The following PIGK variants were observed in gnomAD, a reference collection of about 807,000 sequenced individuals.
PIGK encodes phosphatidylinositol glycan anchor biosynthesis class K.
Under a neutral mutation model 50.6 loss-of-function variants are expected in PIGK, and 42 were observed. The observed-to-expected ratio is 0.83, with a 90% CI of 0.65 to 1.07. The LOEUF is 1.07. PIGK is among the 50% of genes least tolerant of loss of function. The probability of loss-of-function intolerance (pLI) is 0.00; values close to 1 mark genes in which losing one functional copy is unlikely to be tolerated. For synonymous variants in PIGK, 151 were observed against 156.0 expected (o/e 0.97, Z 0.24); for missense variants, 448 against 488.7 (o/e 0.92, Z 0.78).
intron 3 of PIGK, among the ~76,000 whole-genome samples, chr1:77,177,004 T>C (rs1364296248): frequency 6.6e-6 from 1 of 152,208 alleles, no homozygotes; most frequent in Non-Finnish European, 1.5e-5. Flanking sequence ...CAATCAAAGC[T>C]TCAGCTCCAT....
At chr1:77,159,934 G>A (rs1336722666) in intron 8 of PIGK, among the ~76,000 whole-genome samples, 1 of 152,254 alleles carries the variant, frequency 6.6e-6, no homozygotes, top group East Asian at 1.9e-4. Flanking sequence ...AGGCACGATT[G>A]GTTTTGAAAT....
At chr1:77,107,778 T>C (rs992666990) in intron 10 of PIGK, among the ~76,000 whole-genome samples, 1 of 152,216 alleles carries the variant, frequency 6.6e-6, no homozygotes, top group Non-Finnish European at 1.5e-5. Flanking sequence ...TGCTCCTGTA[T>C]TGGGTGCATA....
At chr1:77,163,270 C>T (rs1275636913) in intron 6 of PIGK, among the ~76,000 whole-genome samples, 1 of 152,102 alleles carries the variant, frequency 6.6e-6, no homozygotes, top group African/African-American at 2.4e-5. Context: ...GCATCATATT[C>T]CACTTTCTGC....
At chr1:77,182,529 C>T (rs61782942) in intron 3 of PIGK, among the ~76,000 whole-genome samples, 10 of 7,994 alleles carry the variant, frequency 1.3e-3, no homozygotes, top group Non-Finnish European at 4.3e-3. Flanking sequence ...TCTATCTGTA[C>T]ACACACACAC....
chr1:77,186,190 T>G (rs2100572391), intron 3 of PIGK, among the ~76,000 whole-genome samples: 1 of 152,316 alleles, frequency 6.6e-6, no homozygotes, highest in South Asian at 2.1e-4. Flanking sequence ...GATGGCCTCA[T>G]GGGGAGTTCC....
At chr1:77,095,590 C>T (rs1653389076) in intron 10 of PIGK, among the ~76,000 whole-genome samples, 1 of 152,072 alleles carries the variant, frequency 6.6e-6, no homozygotes, top group African/African-American at 2.4e-5. Flanking sequence ...TAGGGGGGCA[C>T]TGACAATGGT....
At chr1:77,162,848 G>A (rs1655158963) in intron 6 of PIGK, among the ~76,000 whole-genome samples, 1 of 152,162 alleles carries the variant, frequency 6.6e-6, no homozygotes, top group Non-Finnish European at 1.5e-5. Flanking sequence ...AAAGTTAGGA[G>A]AGGTTGTGGA....
At chr1:77,182,192 A>G (rs954984981) in intron 3 of PIGK, among the ~76,000 whole-genome samples, 1 of 152,204 alleles carries the variant, frequency 6.6e-6, no homozygotes, top group African/African-American at 2.4e-5. Flanking sequence ...CATGTGGTTG[A>G]ATATAACGAA....
intron 9 of PIGK, among the ~76,000 whole-genome samples, chr1:77,148,821 T>C (rs1157483221): frequency 1.3e-5 from 2 of 151,972 alleles, no homozygotes; most frequent in Non-Finnish European, 2.9e-5. Flanking sequence ...TTCAAGCAAT[T>C]ATCCTGCCTC....
At chr1:77,178,303 C>A (rs1468218908) in intron 3 of PIGK, among the ~76,000 whole-genome samples, 1 of 152,210 alleles carries the variant, frequency 6.6e-6, no homozygotes, top group African/African-American at 2.4e-5. Flanking sequence ...GGCCTTCATA[C>A]TTCTAGAAGG....
intron 10 of PIGK, among the ~76,000 whole-genome samples, chr1:77,107,635 G>C (rs1489397739): frequency 6.6e-6 from 1 of 152,094 alleles, no homozygotes; most frequent in Admixed American, 6.5e-5. Context: ...TTCAATTCCT[G>C]GGTATCCTTG....
chr1:77,173,301 G>T (rs1655408259), intron 3 of PIGK, among the ~76,000 whole-genome samples: 1 of 152,094 alleles, frequency 6.6e-6, no homozygotes, highest in Admixed American at 6.5e-5. Flanking sequence ...CTTCTAAAAA[G>T]ATTTCAATAT....
At chr1:77,206,772 G>T in intron 2 of PIGK, 41 bp from the exon 3 acceptor site, 2 of 1,133,274 alleles carry the variant, frequency 1.8e-6, no homozygotes, top group Non-Finnish European at 1.3e-6. Flanking sequence ...ATGCATCAAG[G>T]CTAACCATGG....
rs1655115045 is a variant in PIGK at position 77,160,959 on chromosome 1, A to G, written c.813+336T>C. Reference sequence around the variant, plus strand: ...GTCTATGGAGGCTCTGAAAAAAAACAAGAAATTCCCACAGGGAAGAATTCG... The same window carrying G: ...GTCTATGGAGGCTCTGAAAAAAAACGAGAAATTCCCACAGGGAAGAATTCG... On this transcript the variant is annotated intron_variant, in intron 8 of 10. Transcript: ENST00000370812. 2.6e-5 allele frequency among the ~76,000 whole-genome samples: 4 copies of G among 152,186 alleles called. No individual in the cohort carries two copies. In the South Asian group the frequency reaches 8.3e-4, roughly 31 times the overall value.
chr1:77,164,000 G>T, intron 5 of PIGK, 58 bp from the exon 6 acceptor site: 5 of 852,880 alleles, frequency 5.9e-6, no homozygotes, highest in Admixed American at 2.3e-5. Flanking sequence ...CATATATCTA[G>T]ATATATACAT....
intron 5 of PIGK, among the ~76,000 whole-genome samples, chr1:77,165,780 A>G (rs1480592028): frequency 6.6e-6 from 1 of 152,152 alleles, no homozygotes; most frequent in Non-Finnish European, 1.5e-5. Context: ...GAAGAGAAAT[A>G]TCTTTAGATA....
chr1:77,138,394 A>G (rs1339132050), intron 9 of PIGK, among the ~76,000 whole-genome samples: 1 of 152,260 alleles, frequency 6.6e-6, no homozygotes, highest in Non-Finnish European at 1.5e-5. Flanking sequence ...GACAGCTTAT[A>G]GAAGCTATGG....
chr1:77,100,062 TAGG>T (rs1162966808), intron 10 of PIGK, among the ~76,000 whole-genome samples: 19 of 152,308 alleles, frequency 1.2e-4, no homozygotes, highest in African/African-American at 4.1e-4. Flanking sequence ...TCCATGTTGC[TAGG>T]AGAACATTAC....
chr1:77,197,480 G>C (rs528485884), intron 3 of PIGK, among the ~76,000 whole-genome samples: 12 of 152,286 alleles, frequency 7.9e-5, no homozygotes, highest in Admixed American at 7.8e-4. Flanking sequence ...TGCCCTGTCT[G>C]ATTTCTTACT....
Sources: gnomAD v4.1 joint callset for allele counts (sites outside exome capture counted in the v4.1 genomes callset) on GRCh38, gnomAD v4.1.1 for gene constraint, MANE v1.5 for transcripts, NCBI Gene and HGNC (gene_info 2026-07-23, HGNC 2026-07-21) for gene names.